Variants in RGS21 observed in about 807,000 individuals in gnomAD.
RGS21 encodes regulator of G protein signaling 21.
In RGS21, 19 loss-of-function variants were observed where a neutral mutation model predicts 18.7. The ratio of observed to expected loss-of-function variants is 1.01; its 90% CI spans 0.71 to 1.49. RGS21 has a LOEUF of 1.49. RGS21 is among the 40% of genes most tolerant of loss of function. The probability of loss-of-function intolerance (pLI) is 0.00; values close to 1 mark genes in which losing one functional copy is unlikely to be tolerated. For missense variants in RGS21, 194 were observed against 176.8 expected (o/e 1.10, Z -0.55); for synonymous variants, 56 against 57.8 (o/e 0.97, Z 0.14).
At chr1:192,342,425 G>A (rs1328720574) in intron 1 of RGS21, among the ~76,000 whole-genome samples, 1 of 151,938 alleles carries the variant, frequency 6.6e-6, no homozygotes, top group Non-Finnish European at 1.5e-5. Flanking sequence ...AGAAATGTAT[G>A]TTATTAAGCA....
At chr1:192,322,423 C>T (rs1402400653) in intron 1 of RGS21, among the ~76,000 whole-genome samples, 1 of 152,060 alleles carries the variant, frequency 6.6e-6, no homozygotes, top group Non-Finnish European at 1.5e-5. Context: ...ATGAATGGCA[C>T]ATAAGCTTTC....
At chr1:192,323,629 A>C (rs1658526021) in intron 1 of RGS21, among the ~76,000 whole-genome samples, 1 of 152,104 alleles carries the variant, frequency 6.6e-6, no homozygotes, top group South Asian at 2.1e-4. Flanking sequence ...ATAGAGGGCA[A>C]AGATGATGAG....
intron 1 of RGS21, among the ~76,000 whole-genome samples, chr1:192,321,246 A>C (rs1658493467): frequency 6.6e-6 from 1 of 152,002 alleles, no homozygotes; most frequent in Non-Finnish European, 1.5e-5. Context: ...CAGAAAGAAT[A>C]ATACACCTTG....
At chr1:192,363,154 A>C (rs966273030) in intron 4 of RGS21, among the ~76,000 whole-genome samples, 1 of 152,172 alleles carries the variant, frequency 6.6e-6, no homozygotes, top group Admixed American at 6.6e-5. Context: ...GGGCACACAT[A>C]AAAGAGAAGA....
At chr1:192,360,861 C>G (rs529677364) in intron 4 of RGS21, among the ~76,000 whole-genome samples, 1 of 152,088 alleles carries the variant, frequency 6.6e-6, no homozygotes, top group Non-Finnish European at 1.5e-5. Flanking sequence ...CTTCAGAAAG[C>G]TTTTCCTTAG....
At chr1:192,346,949 C>T (rs944009996) in intron 2 of RGS21, among the ~76,000 whole-genome samples, 4 of 152,106 alleles carry the variant, frequency 2.6e-5, no homozygotes, top group African/African-American at 9.7e-5. Context: ...ATCACCATTG[C>T]TATCATAACT....
At chr1:192,331,974 A>C (rs549261119) in intron 1 of RGS21, among the ~76,000 whole-genome samples, 19 of 151,882 alleles carry the variant, frequency 1.3e-4, no homozygotes, top group African/African-American at 4.3e-4. Context: ...TATTTGATGT[A>C]AAAAAAATAC....
chr1:192,364,918 A>G (rs1057385061), intron 4 of RGS21, among the ~76,000 whole-genome samples: 1 of 152,070 alleles, frequency 6.6e-6, no homozygotes. Context: ...AGGTCATCTG[A>G]GGTCAGGAGT....
At chr1:192,363,137 G>C (rs1336331850) in intron 4 of RGS21, among the ~76,000 whole-genome samples, 1 of 152,090 alleles carries the variant, frequency 6.6e-6, no homozygotes, top group East Asian at 1.9e-4. Flanking sequence ...AGCTTGATGG[G>C]AATACAGGGC....
At chr1:192,359,751 T>C (rs574184771) in intron 4 of RGS21, among the ~76,000 whole-genome samples, 2 of 142,504 alleles carry the variant, frequency 1.4e-5, no homozygotes, top group East Asian at 3.9e-4. Context: ...CAGTTATATA[T>C]AACTCTATAT....
intron 3 of RGS21, among the ~76,000 whole-genome samples, chr1:192,351,089 T>C (rs921468557): frequency 1.3e-5 from 2 of 152,118 alleles, no homozygotes; most frequent in African/African-American, 4.8e-5. Context: ...GTTTCGGATC[T>C]AGAGTTTCTG....
intron 4 of RGS21, among the ~76,000 whole-genome samples, chr1:192,356,207 C>T (rs1659111076): frequency 6.6e-6 from 1 of 151,778 alleles, no homozygotes; most frequent in Admixed American, 6.6e-5. Context: ...TGTGATTCAG[C>T]ACAATGTTGC....
At chr1:192,350,109 G>A (rs1394850618) in intron 3 of RGS21, among the ~76,000 whole-genome samples, 8 of 152,080 alleles carry the variant, frequency 5.3e-5, no homozygotes, top group African/African-American at 1.9e-4. Flanking sequence ...GAAACTTCTT[G>A]AGCAAGGAAC....
chr1:192,328,772 T>C (rs145366101), intron 1 of RGS21, among the ~76,000 whole-genome samples: 5 of 152,216 alleles, frequency 3.3e-5, no homozygotes, highest in African/African-American at 1.2e-4. Flanking sequence ...TTCGTCACAG[T>C]AATACAATAG....
At chr1:192,318,386 G>T (rs1658448296) in intron 1 of RGS21, among the ~76,000 whole-genome samples, 1 of 152,100 alleles carries the variant, frequency 6.6e-6, no homozygotes, top group Admixed American at 6.6e-5. Flanking sequence ...GGACATCACA[G>T]GATCTCACCC....
Position 192,343,044 on chromosome 1 carries a change from T to G in RGS21, c.8T>G (p.Val3Gly). The G allele has an allele frequency of 6.2e-7, 1 of 1,612,702 alleles. No homozygotes were observed. The change falls in exon 2 of 5, where the codon GTG becomes GGG. Residue 3 changes from valine (V) to glycine (G), a missense_variant. Coordinates refer to ENST00000417209, the MANE Select transcript of RGS21 (RefSeq NM_001039152.3). MP[V>G]KCCFYRSPTA... ...CAGACAGTGGAACGAAAAATGCCAG[T>G]GAAGTGAGTTGCCGTTTCCAGCTAT... is the stretch of plus-strand genomic sequence containing the variant.
chr1:192,363,297 C>T (rs1659212368), intron 4 of RGS21, among the ~76,000 whole-genome samples: 1 of 152,070 alleles, frequency 6.6e-6, no homozygotes, highest in Admixed American at 6.6e-5. Context: ...TAAGCTAGCA[C>T]TGTTTGGCAG....
chr1:192,366,079 T>C lies in RGS21; in HGVS notation c.414T>C (p.Asn138=). 1.2e-6 allele frequency: 2 copies of C among 1,611,650 alleles called. No homozygotes were observed. The highest frequency in any genetic ancestry group is 1.3e-5 in the African/African-American group (1 of 74,898). Residue 138 remains asparagine (N), a synonymous_variant, in exon 5 of 5, where the codon AAT becomes AAC. Coordinates refer to ENST00000417209, the MANE Select transcript of RGS21 (RefSeq NM_001039152.3). The part of the protein sequence containing the change: ...LKSEIYKKLV[N]SQQVPNHKKW... ...CAGAGATTTATAAAAAACTGGTAAATAGCCAACAGGTTCCAAATCATAAAA... is the reference window on the plus strand; with the variant it reads ...CAGAGATTTATAAAAAACTGGTAAACAGCCAACAGGTTCCAAATCATAAAA...
chr1:192,341,765 CTTTTT>C (rs11285643), intron 1 of RGS21, among the ~76,000 whole-genome samples: 1 of 142,546 alleles, frequency 7.0e-6, no homozygotes, highest in African/African-American at 2.5e-5. Flanking sequence ...TTGCATGGTT[CTTTTT>C]TTTTTTTTTT....
Sources: gnomAD v4.1 joint callset for allele counts (sites outside exome capture counted in the v4.1 genomes callset) on GRCh38, gnomAD v4.1.1 for gene constraint, MANE v1.5 for transcripts, NCBI Gene and HGNC (gene_info 2026-07-23, HGNC 2026-07-21) for gene names.